Variants in DLG2 observed in about 807,000 individuals in gnomAD.
DLG2 encodes the protein discs large MAGUK scaffold protein 2, also known as disks large homolog 2.
A neutral mutation model predicts 132.5 loss-of-function variants in DLG2; 45 were observed. The observed-to-expected ratio is 0.34, with a 90% CI of 0.27 to 0.44. DLG2 has a LOEUF of 0.44. Among genes scored for constraint, DLG2 ranks in the 20% least tolerant of loss-of-function variants. The pLI, the probability that DLG2 is intolerant of heterozygous loss-of-function variation, is 1.00. For missense variants in DLG2, 1,045 were observed against 1,196.9 expected (o/e 0.87, Z 1.87); for synonymous variants, 424 against 419.6 (o/e 1.01, Z -0.13).
intron 18 of DLG2, among the ~76,000 whole-genome samples, chr11:83,738,072 G>C (rs1370683414): frequency 1.3e-5 from 2 of 152,196 alleles, no homozygotes; most frequent in Admixed American, 1.3e-4. Flanking sequence ...AACAGGGTTA[G>C]TGATGATGCC....
At chr11:84,787,536 C>T (rs993197636) in intron 6 of DLG2, among the ~76,000 whole-genome samples, 1 of 152,100 alleles carries the variant, frequency 6.6e-6, no homozygotes, top group African/African-American at 2.4e-5. Flanking sequence ...ATGCTTATTC[C>T]CTCTGTTCCA....
At chr11:84,141,157 G>A (rs1163417525) in intron 9 of DLG2, among the ~76,000 whole-genome samples, 1 of 152,048 alleles carries the variant, frequency 6.6e-6, no homozygotes, top group Non-Finnish European at 1.5e-5. Context: ...GATGCACTGA[G>A]CATTGGTCCC....
chr11:85,430,353 A>T (rs558937887), intron 3 of DLG2, among the ~76,000 whole-genome samples: 28 of 150,600 alleles, frequency 1.9e-4, no homozygotes, highest in Admixed American at 7.3e-4. Context: ...AAAGTATAAT[A>T]AAAAAAAAGA....
intron 20 of DLG2, among the ~76,000 whole-genome samples, chr11:83,541,251 T>C (rs2141474624): frequency 6.6e-6 from 1 of 152,318 alleles, no homozygotes; most frequent in African/African-American, 2.4e-5. Context: ...TTTGGAGATA[T>C]CACACAGCCA....
chr11:85,194,812 C>T (rs183640886), intron 4 of DLG2, among the ~76,000 whole-genome samples: 1 of 152,124 alleles, frequency 6.6e-6, no homozygotes. Context: ...TTTATTAATT[C>T]AGTTTATTTC....
At chr11:83,956,131 C>T (rs1317459483) in intron 14 of DLG2, among the ~76,000 whole-genome samples, 2 of 152,200 alleles carry the variant, frequency 1.3e-5, no homozygotes, top group African/African-American at 4.8e-5. Context: ...CCTGTCCCCT[C>T]TCTAGCTCCC....
chr11:83,507,875 A>T (rs1267323309), intron 21 of DLG2, among the ~76,000 whole-genome samples: 1 of 149,758 alleles, frequency 6.7e-6, no homozygotes, highest in Non-Finnish European at 1.5e-5. Context: ...GCTGAGGAGG[A>T]AAGACAGCCA....
At chr11:83,710,995 C>T (rs2085284523) in intron 18 of DLG2, among the ~76,000 whole-genome samples, 1 of 152,162 alleles carries the variant, frequency 6.6e-6, no homozygotes, top group Admixed American at 6.5e-5. Flanking sequence ...CATTTATTCT[C>T]ACAGCCCCTT....
At chr11:85,239,098 CT>C (rs2075747646) in intron 4 of DLG2, among the ~76,000 whole-genome samples, 1 of 151,996 alleles carries the variant, frequency 6.6e-6, no homozygotes, top group Admixed American at 6.6e-5. Context: ...TGAGTGATCG[CT>C]TTTTGCTGAC....
chr11:84,040,232 C>T lies in DLG2; in HGVS notation c.919+19083G>A, dbSNP rs887935274. Among the ~76,000 whole-genome samples, 896 of 151,792 alleles carry T rather than the reference C, an allele frequency of 5.9e-3. 7 individuals are homozygous for T. The highest frequency in any genetic ancestry group is 0.021 in the African/African-American group (863 of 41,464). On this transcript the variant is annotated intron_variant, in intron 11 of 27. Coordinates refer to ENST00000376104, the MANE Select transcript of DLG2 (RefSeq NM_001142699.3). ...AGAAGCTCTTTAGTTTAATTAGATT[C>T]CATTTGTCAATTTTGGCTTTTGTTG...
intron 3 of DLG2, among the ~76,000 whole-genome samples, chr11:85,296,047 C>A (rs569227949): frequency 6.6e-6 from 1 of 152,184 alleles, no homozygotes; most frequent in East Asian, 1.9e-4. Flanking sequence ...ATGCTGTGAA[C>A]ACAGAGTATT....
intron 11 of DLG2, among the ~76,000 whole-genome samples, chr11:83,991,189 G>T (rs896189387): frequency 6.6e-6 from 1 of 152,136 alleles, no homozygotes; most frequent in African/African-American, 2.4e-5. Flanking sequence ...TTACTCTTTG[G>T]ATATTCTCTG....
In DLG2 at chr11:83,937,097, T is replaced by A. The variant is rs192226013; in HGVS notation, c.1341-6614A>T. On this transcript the variant is annotated intron_variant, in intron 14 of 27. Transcript: ENST00000376104. ...AAAATTTTTAATTGAACTCATAGGA[T>A]AAATATAGATCTACAAAATGTCAGG... Among the ~76,000 whole-genome samples the A allele has an allele frequency of 5.3e-5, 8 of 152,170 alleles. 1 individual carries two copies. The East Asian group carries it at 1.5e-3, about 29-fold the overall frequency.
At chr11:85,088,948 C>G (rs1268904889) in intron 6 of DLG2, among the ~76,000 whole-genome samples, 1 of 152,134 alleles carries the variant, frequency 6.6e-6, no homozygotes, top group African/African-American at 2.4e-5. Flanking sequence ...AATAGCTCTG[C>G]TTACCATAAA....
intron 2 of DLG2, among the ~76,000 whole-genome samples, chr11:85,611,163 T>C (rs139398862): frequency 7.0e-4 from 107 of 152,060 alleles, no homozygotes; most frequent in Middle Eastern, 6.8e-3. Flanking sequence ...AGTAAGAAAA[T>C]TGATGTAGTA....
chr11:84,142,672 A>C (rs984216549), intron 9 of DLG2, among the ~76,000 whole-genome samples: 2 of 152,066 alleles, frequency 1.3e-5, no homozygotes, highest in African/African-American at 4.8e-5. Context: ...AAGGCAGAGG[A>C]AGGACAAATT....
At position 84,323,774 on chromosome 11, in the gene DLG2, C is replaced by T. The variant is rs115001630; in HGVS notation, c.520-72483G>A. ...CCATTCTAACAGGTGTGAGGTGATA[C>T]CTCATTGTGATTTAAATTCACGTTT... On this transcript the variant is annotated intron_variant, in intron 7 of 27. Transcript: ENST00000376104. 1.5e-3 allele frequency among the ~76,000 whole-genome samples: 211 copies of T among 140,720 alleles called. 1 individual carries two copies. The highest frequency in any genetic ancestry group is 5.5e-3 in the African/African-American group (209 of 37,790). 92.3% of individuals were successfully genotyped at this position (140,720 alleles called of 152,430 possible).
At chr11:83,951,999 C>A (rs1457015938) in intron 14 of DLG2, among the ~76,000 whole-genome samples, 2 of 151,980 alleles carry the variant, frequency 1.3e-5, no homozygotes, top group African/African-American at 2.4e-5. Context: ...GAAGGCAAAC[C>A]CCAAGGTTTG....
In DLG2 at chr11:84,793,514, T is replaced by C. The variant is rs2074158061; in HGVS notation, c.358-258783A>G. Among the ~76,000 whole-genome samples the C allele has an allele frequency of 1.3e-5, 2 of 152,218 alleles. 1 individual carries two copies. The highest frequency in any genetic ancestry group is 4.1e-4 in the South Asian group (2 of 4,834). The stretch of plus-strand genomic sequence containing the variant: ...ACAGTGGAGTGTTGAAGTCTCCAGC[T>C]ATTATTGTACTGAGGTCTATCTCTT... On this transcript the variant is annotated intron_variant, in intron 6 of 27. Coordinates refer to ENST00000376104, the MANE Select transcript of DLG2 (RefSeq NM_001142699.3).
Sources: allele counts gnomAD v4.1 joint callset (sites outside exome capture counted in the v4.1 genomes callset), GRCh38; gene constraint gnomAD v4.1.1; transcripts MANE v1.5; gene names NCBI Gene and HGNC (gene_info 2026-07-23, HGNC 2026-07-21).